The following ZFHX3 variants were observed in gnomAD, a reference collection of about 807,000 sequenced individuals.
ZFHX3 encodes the protein zinc finger homeobox 3, also known as zinc finger homeobox protein 3.
In ZFHX3, 42 loss-of-function variants were observed where a neutral mutation model predicts 279.1. The ratio of observed to expected loss-of-function variants is 0.15; its 90% CI spans 0.12 to 0.19. The LOEUF (loss-of-function observed/expected upper bound fraction) is 0.19, where lower values mean the gene tolerates loss of function less well. ZFHX3 is among the 10% of genes least tolerant of loss of function. The pLI, the probability that ZFHX3 is intolerant of heterozygous loss-of-function variation, is 1.00. For missense variants in ZFHX3, 4,981 were observed against 4,754.0 expected, an observed-to-expected ratio of 1.05 and a Z score of -1.40; for synonymous variants, 2,293 against 1,957.8, an observed-to-expected ratio of 1.17 and a Z score of -4.52.
At chr16:72,924,614 C>T (rs540744768) in intron 3 of ZFHX3, among the ~76,000 whole-genome samples, 1 of 152,290 alleles carries the variant, frequency 6.6e-6, no homozygotes, top group East Asian at 1.9e-4. Context: ...GAGGCCGCGG[C>T]TGGGTGCGCA....
At chr16:73,334,324 G>A (rs1474807139) in intron 3 of ZFHX3, among the ~76,000 whole-genome samples, 1 of 152,148 alleles carries the variant, frequency 6.6e-6, no homozygotes, top group African/African-American at 2.4e-5. Flanking sequence ...GTAGGCAAGA[G>A]GACAGACTGC....
At chr16:72,827,960 C>T (rs943291116) in intron 5 of ZFHX3, among the ~76,000 whole-genome samples, 5 of 152,190 alleles carry the variant, frequency 3.3e-5, no homozygotes, top group Non-Finnish European at 7.3e-5. Flanking sequence ...GTATCTCTCC[C>T]GATATCTGGG....
At chr16:73,513,176 G>T (rs2019462141) in intron 2 of ZFHX3, among the ~76,000 whole-genome samples, 1 of 152,192 alleles carries the variant, frequency 6.6e-6, no homozygotes, top group South Asian at 2.1e-4. Flanking sequence ...CAGATGGACA[G>T]CTCTTTGAAA....
At chr16:73,417,743 C>G (rs867179268) in intron 3 of ZFHX3, among the ~76,000 whole-genome samples, 1 of 151,306 alleles carries the variant, frequency 6.6e-6, no homozygotes, top group Non-Finnish European at 1.5e-5. Context: ...GAGGCTGAAG[C>G]GGGTGGATCA....
chr16:73,021,574 T>C lies in ZFHX3; in HGVS notation c.-50+26178A>G, dbSNP rs1230097063. Among the ~76,000 whole-genome samples the C allele has an allele frequency of 3.3e-5, 5 of 152,196 alleles. 1 individual carries two copies. Among genetic ancestry groups the C allele is most frequent in the Middle Eastern group, 6.8e-3 (2 of 294 alleles). ...AGCCAGGTGTGGTGGCTCACACCTA[T>C]AATACCATCACTTTGGGAGGCTGAG... On this transcript the variant is annotated intron_variant, in intron 1 of 9. Coordinates refer to ENST00000268489, the MANE Select transcript of ZFHX3 (RefSeq NM_006885.4).
chr16:73,654,116 G>A (rs564694335), intron 2 of ZFHX3, among the ~76,000 whole-genome samples: 56 of 151,318 alleles, frequency 3.7e-4, no homozygotes, highest in African/African-American at 1.2e-3. Flanking sequence ...CCTGGGAGGC[G>A]GAGCCTGCAG....
At chr16:73,423,435 C>A (rs2017754419) in intron 3 of ZFHX3, among the ~76,000 whole-genome samples, 1 of 152,188 alleles carries the variant, frequency 6.6e-6, no homozygotes, top group African/African-American at 2.4e-5. Flanking sequence ...CCACATTCCA[C>A]CACACTGGGT....
chr16:72,826,664 A>T lies in ZFHX3; in HGVS notation c.3529+3115T>A, dbSNP rs138449628. On this transcript the variant is annotated intron_variant, in intron 5 of 9. Transcript: ENST00000268489. ...TTATGCTTCGGATCAAAAGAGGATC[A>T]TTTGCAGGAGTCGGGAAAGAATTTT... Among the ~76,000 whole-genome samples the T allele has an allele frequency of 9.3e-3, 1,412 of 152,324 alleles. 20 individuals are homozygous for T. Among genetic ancestry groups the T allele is most frequent in the African/African-American group, 0.03 (1,251 of 41,570 alleles).
intron 3 of ZFHX3, among the ~76,000 whole-genome samples, chr16:72,890,622 T>C (rs1406138220): frequency 9.2e-5 from 14 of 152,334 alleles, no homozygotes; most frequent in Middle Eastern, 3.4e-3. Flanking sequence ...TTTCAGAATG[T>C]TGATAATCCT....
intron 1 of ZFHX3, among the ~76,000 whole-genome samples, chr16:73,727,496 A>T (rs112501787): frequency 6.6e-6 from 1 of 152,224 alleles, no homozygotes; most frequent in African/African-American, 2.4e-5. Flanking sequence ...GAAGAGATGG[A>T]GTTACCCAGA....
chr16:73,582,994 A>G (rs1303005178), intron 2 of ZFHX3, among the ~76,000 whole-genome samples: 1 of 152,230 alleles, frequency 6.6e-6, no homozygotes, highest in African/African-American at 2.4e-5. Flanking sequence ...TAAACATAAA[A>G]GGCTATAAGA....
At chr16:73,601,784 G>A (rs1199468353) in intron 2 of ZFHX3, among the ~76,000 whole-genome samples, 2 of 152,158 alleles carry the variant, frequency 1.3e-5, no homozygotes, top group African/African-American at 4.8e-5. Context: ...AGAAAATAAT[G>A]TTAAGTGAAC....
At chr16:73,290,743 G>A (rs946186504) in intron 4 of ZFHX3, among the ~76,000 whole-genome samples, 6 of 150,418 alleles carry the variant, frequency 4.0e-5, no homozygotes, top group Admixed American at 6.6e-5. Context: ...GAGGAGGAAA[G>A]AGCCACTAAG....
At chr16:73,057,090 TC>T in intron 1 of ZFHX3, among the ~76,000 whole-genome samples, 1 of 152,266 alleles carries the variant, frequency 6.6e-6, no homozygotes, top group South Asian at 2.1e-4. Context: ...ATCAGCATGC[TC>T]CGTCCATACA....
intron 2 of ZFHX3, among the ~76,000 whole-genome samples, chr16:73,516,803 G>C (rs1217035801): frequency 6.6e-6 from 1 of 152,212 alleles, no homozygotes; most frequent in Non-Finnish European, 1.5e-5. Flanking sequence ...GCTGCACAGA[G>C]AGTATGTGCT....
At position 72,787,707 on chromosome 16, in the gene ZFHX3, G is replaced by GCCGCCGCCGCCA. The variant is rs746268093; in HGVS notation, c.10557_10568dup (p.Gly3524_Gly3527dup). On this transcript the variant is annotated inframe_insertion, in exon 10 of 10. Transcript: ENST00000268489. ...GGCAGTGGTACGAGCCGCCGCCGCC[G>GCCGCCGCCGCCA]CCGCCGCCGCCACCGCCGCCGCCGC... is the stretch of plus-strand genomic sequence containing the variant. The GCCGCCGCCGCCA allele has an allele frequency of 8.6e-6, 12 of 1,399,850 alleles. No homozygotes were observed. The highest frequency in any genetic ancestry group is 8.4e-5 in the East Asian group (3 of 35,806). The allele number at this position is 1,399,850 out of a possible 1,614,324, so 86.7% of individuals were successfully genotyped here. A position where few individuals can be genotyped will look rare whatever the true frequency, so the allele number is the denominator to read the frequency against.
At chr16:72,875,747 C>T (rs2038293130) in intron 4 of ZFHX3, among the ~76,000 whole-genome samples, 1 of 152,194 alleles carries the variant, frequency 6.6e-6, no homozygotes, top group African/African-American at 2.4e-5. Context: ...AAAGCGATGT[C>T]TAAAATGTGC....
intron 3 of ZFHX3, among the ~76,000 whole-genome samples, chr16:72,933,961 G>T (rs1409756126): frequency 6.6e-6 from 1 of 151,810 alleles, no homozygotes; most frequent in Admixed American, 6.6e-5. Flanking sequence ...TGGGACTGCA[G>T]GTGCCCTCCA....
intron 3 of ZFHX3, among the ~76,000 whole-genome samples, chr16:73,453,195 T>A (rs1156482318): frequency 1.3e-5 from 2 of 152,260 alleles, no homozygotes; most frequent in Non-Finnish European, 2.9e-5. Context: ...GGGTTGTCGG[T>A]TGGCCCTCTG....
Sources: allele counts gnomAD v4.1 joint callset (sites outside exome capture counted in the v4.1 genomes callset), GRCh38; gene constraint gnomAD v4.1.1; transcripts MANE v1.5; gene names NCBI Gene and HGNC (gene_info 2026-07-23, HGNC 2026-07-21).